Variants in CYP3A5 observed in about 807,000 individuals in gnomAD.
CYP3A5 encodes the protein cytochrome P450 family 3 subfamily A member 5, also known as cytochrome P450 3A5.
CYP3A5 carries 51 observed loss-of-function variants against 55.9 expected under a neutral mutation model. The observed-to-expected ratio is 0.91, with a 90% confidence interval of 0.73 to 1.15. The LOEUF (loss-of-function observed/expected upper bound fraction) is 1.15. Among genes scored for constraint, CYP3A5 ranks in the 50% most tolerant of loss-of-function variants. The pLI is 0.00. For missense variants in CYP3A5, 533 were observed against 596.6 expected (o/e 0.89, Z 1.11); for synonymous variants, 196 against 213.9 (o/e 0.92, Z 0.73).
At chr7:99,672,249 A>C (rs1462057054) in intron 4 of CYP3A5, among the ~76,000 whole-genome samples, 1 of 152,044 alleles carries the variant, frequency 6.6e-6, no homozygotes, top group Non-Finnish European at 1.5e-5. Context: ...ATGGGGTTTC[A>C]CCATGTTGGT....
Position 99,652,795 on chromosome 7 carries a change from C to T in CYP3A5, c.1027-16G>A. On this transcript the variant is annotated splice_polypyrimidine_tract_variant and intron_variant, in intron 10 of 12. Coordinates refer to ENST00000222982, the MANE Select transcript of CYP3A5 (RefSeq NM_000777.5). ...TAGGTGGTGCCTGGAAGGAAAGAAA[C>T]AGAATTGGATAATCTGAGATTTTGA... The T allele has an allele frequency of 1.3e-6, 2 of 1,598,760 alleles. No individual in the cohort carries two copies. The highest frequency in any genetic ancestry group is 2.2e-5 in the South Asian group (2 of 90,044).
At chr7:99,670,374 A>G (rs1463585366) in intron 4 of CYP3A5, among the ~76,000 whole-genome samples, 1 of 152,222 alleles carries the variant, frequency 6.6e-6, no homozygotes, top group East Asian at 1.9e-4. Context: ...GCAAGCTCAA[A>G]TTAAGGCAAA....
At chr7:99,658,816 C>T (rs1446560699) in intron 10 of CYP3A5, 3 of 152,158 alleles carry the variant, frequency 2.0e-5, no homozygotes, top group African/African-American at 7.2e-5. Flanking sequence ...TCTCTTCTTT[C>T]TTCATTTCAT....
At position 99,676,199 on chromosome 7, in the gene CYP3A5, G is replaced by A; in HGVS notation, c.81C>T (p.Thr27=). ...VSLVLLYLYG[T]RTHGLFKRLG... ...GTCTCTTAAAAAGTCCATGTGTACGGGTCCCATATCTACAAAGTGAAACAG... is the reference window on the plus strand; with the variant it reads ...GTCTCTTAAAAAGTCCATGTGTACGAGTCCCATATCTACAAAGTGAAACAG... The change falls in exon 2 of 13, where the codon ACC becomes ACT. Residue 27 remains threonine (T), a synonymous_variant. Coordinates refer to ENST00000222982, the MANE Select transcript of CYP3A5 (RefSeq NM_000777.5). The A allele has an allele frequency of 1.2e-6, 2 of 1,613,672 alleles. No individual in the cohort carries two copies. Among genetic ancestry groups the A allele is most frequent in the Non-Finnish European group, 1.7e-6 (2 of 1,179,822 alleles).
intron 12 of CYP3A5, among the ~76,000 whole-genome samples, chr7:99,649,241 C>T (rs1808919095): frequency 6.6e-6 from 1 of 152,190 alleles, no homozygotes; most frequent in Admixed American, 6.5e-5. Flanking sequence ...GAAAGCTACA[C>T]AGCTGCCCTG....
Position 99,648,465 on chromosome 7 carries a change from A to T in CYP3A5, c.1414-65T>A, listed in dbSNP as rs955323463. 3 of 1,365,214 alleles carry T rather than the reference A, an allele frequency of 2.2e-6. No individual in the cohort carries two copies. The African/African-American group carries it at 4.4e-5, about 20-fold the overall frequency. The allele number at this position is 1,365,214 out of a possible 1,614,324, so 84.6% of individuals were successfully genotyped here. On this transcript the variant is annotated intron_variant, in intron 12 of 12. Transcript: ENST00000222982. ...AAGTGAAAGAAGAAAAGATGGAAGCAAAGTAGAAAAAATATGACAAAAATG... is the reference window on the plus strand; with the variant it reads ...AAGTGAAAGAAGAAAAGATGGAAGCTAAGTAGAAAAAATATGACAAAAATG...
chr7:99,674,585 C>G lies in CYP3A5; in HGVS notation c.166G>C (p.Gly56Arg). 6.2e-7 allele frequency: 1 copy of G among 1,612,634 alleles called. No homozygotes were observed. Among genetic ancestry groups the G allele is most frequent in the South Asian group, 1.1e-5 (1 of 90,950 alleles). The part of the protein sequence containing the change: ...LLGNVLSYRQ[G>R]LWKFDTECYK... ...CACTCTGTGTCAAATTTCCAGAGAC[C>G]CTGGGAGAGGAAACAAAATACAAGT... Residue 56 changes from glycine (G) to arginine (R), a missense_variant and splice_region_variant, in exon 3 of 13, where the codon GGT becomes CGT. By Grantham distance (125) the Gly-to-Arg change is moderately radical. Coordinates refer to ENST00000222982, the MANE Select transcript of CYP3A5 (RefSeq NM_000777.5).
intron 6 of CYP3A5, 123 bp downstream of exon 6, chr7:99,666,478 T>C: frequency 9.3e-7 from 1 of 1,070,110 alleles, no homozygotes; most frequent in East Asian, 2.5e-5. Context: ...TCTTTGGAGT[T>C]GCAGCGCTGC....
intron 9 of CYP3A5, among the ~76,000 whole-genome samples, chr7:99,661,699 C>T (rs960517718): frequency 3.4e-4 from 52 of 152,194 alleles, no homozygotes; most frequent in African/African-American, 1.2e-3. Flanking sequence ...GAAAGGTCTA[C>T]AGAGTTCTGA....
intron 10 of CYP3A5, among the ~76,000 whole-genome samples, chr7:99,658,669 CAG>C (rs1475089557): frequency 3.9e-5 from 6 of 152,202 alleles, no homozygotes; most frequent in African/African-American, 1.4e-4. Flanking sequence ...TAATATCCTG[CAG>C]AGTGTTTTCC....
intron 10 of CYP3A5, among the ~76,000 whole-genome samples, chr7:99,657,161 T>G (rs1248836994): frequency 6.6e-6 from 1 of 152,258 alleles, no homozygotes; most frequent in Non-Finnish European, 1.5e-5. Flanking sequence ...TCTAGTTCTT[T>G]TCATTGTGAT....
At chr7:99,660,723 A>T in intron 9 of CYP3A5, 64 bp from the exon 10 acceptor site, 8 of 1,554,070 alleles carry the variant, frequency 5.1e-6, no homozygotes, top group African/African-American at 1.4e-5. Context: ...AGCTTAGATG[A>T]AATCTAAGTG....
At chr7:99,678,960 C>T (rs961449930) in intron 1 of CYP3A5, among the ~76,000 whole-genome samples, 1 of 152,164 alleles carries the variant, frequency 6.6e-6, no homozygotes, top group Non-Finnish European at 1.5e-5. Flanking sequence ...GGTTTGCCCT[C>T]CTGTACTGTA....
chr7:99,663,286 C>G, intron 8 of CYP3A5: 1 of 998,126 alleles, frequency 1.0e-6, no homozygotes. Context: ...CTGACATTTC[C>G]AGAACTCATC....
chr7:99,658,824 C>T (rs1810063059), intron 10 of CYP3A5: 1 of 152,198 alleles, frequency 6.6e-6, no homozygotes, highest in South Asian at 2.1e-4. Flanking sequence ...TTCTTCATTT[C>T]ATTCATTTGA....
At chr7:99,678,913 A>G (rs1812551300) in intron 1 of CYP3A5, among the ~76,000 whole-genome samples, 1 of 152,160 alleles carries the variant, frequency 6.6e-6, no homozygotes, top group Non-Finnish European at 1.5e-5. Flanking sequence ...TCTTCTCTCC[A>G]CCTGCTCTAG....
intron 1 of CYP3A5, among the ~76,000 whole-genome samples, chr7:99,679,006 C>T (rs1584483789): frequency 1.3e-5 from 2 of 152,238 alleles, no homozygotes; most frequent in African/African-American, 4.8e-5. Flanking sequence ...TCCAAATTGG[C>T]TTTCATGGCT....
At chr7:99,655,525 T>C (rs1809626153) in intron 10 of CYP3A5, among the ~76,000 whole-genome samples, 1 of 152,238 alleles carries the variant, frequency 6.6e-6, no homozygotes, top group African/African-American at 2.4e-5. Flanking sequence ...TGCCTCCGGC[T>C]TTGTTCTTTT....
intron 11 of CYP3A5, 198 bp downstream of exon 11, chr7:99,652,355 C>G (rs568599862): frequency 1.5e-5 from 7 of 457,196 alleles, no homozygotes; most frequent in Admixed American, 7.7e-5. Flanking sequence ...TTGTCTTGTG[C>G]TGGGACTGTG....
Sources: gnomAD v4.1 joint callset for allele counts (sites outside exome capture counted in the v4.1 genomes callset) on GRCh38, gnomAD v4.1.1 for gene constraint, MANE v1.5 for transcripts, NCBI Gene and HGNC (gene_info 2026-07-23, HGNC 2026-07-21) for gene names.